The following CDH18 variants were observed in gnomAD, a reference collection of about 807,000 sequenced individuals.
CDH18 encodes cadherin 18.
Under a neutral mutation model 67.9 loss-of-function variants are expected in CDH18, and 31 were observed. That is an observed-to-expected ratio of 0.46 (90% CI 0.34 to 0.62). The LOEUF (loss-of-function observed/expected upper bound fraction) is 0.62, where lower values mean the gene tolerates loss of function less well. CDH18 is among the 20% of genes least tolerant of loss of function. The pLI, the probability that CDH18 is intolerant of heterozygous loss-of-function variation, is 0.01. For missense variants in CDH18, 890 were observed against 975.5 expected, an observed-to-expected ratio of 0.91 and a Z score of 1.17; for synonymous variants, 362 against 347.2, an observed-to-expected ratio of 1.04 and a Z score of -0.48.
intron 3 of CDH18, among the ~76,000 whole-genome samples, chr5:19,835,071 T>G (rs888765021): frequency 6.6e-6 from 1 of 152,118 alleles, no homozygotes; most frequent in African/African-American, 2.4e-5. Flanking sequence ...CACATGCACA[T>G]GTATGTTAAT....
At chr5:20,547,210 T>C (rs369397248) in intron 1 of CDH18, among the ~76,000 whole-genome samples, 2 of 152,088 alleles carry the variant, frequency 1.3e-5, no homozygotes, top group African/African-American at 4.8e-5. Context: ...CAGTGATATA[T>C]AAAGTGACAA....
chr5:20,221,816 T>C (rs1450086718), intron 2 of CDH18, among the ~76,000 whole-genome samples: 1 of 152,184 alleles, frequency 6.6e-6, no homozygotes, highest in African/African-American at 2.4e-5. Context: ...TTTTCTATTA[T>C]TGTGTCACTT....
chr5:20,011,883 T>C (rs1222122369), intron 2 of CDH18, among the ~76,000 whole-genome samples: 1 of 152,152 alleles, frequency 6.6e-6, no homozygotes, highest in East Asian at 1.9e-4. Flanking sequence ...ATCAAGGATA[T>C]TGGCCTAAAG....
At chr5:19,917,318 T>C (rs2150155438) in intron 2 of CDH18, among the ~76,000 whole-genome samples, 1 of 152,158 alleles carries the variant, frequency 6.6e-6, no homozygotes, top group East Asian at 1.9e-4. Context: ...GTTCTCCTCC[T>C]GTTCTCAATT....
chr5:20,333,616 A>C (rs1409022345), intron 1 of CDH18, among the ~76,000 whole-genome samples: 1 of 151,430 alleles, frequency 6.6e-6, no homozygotes, highest in African/African-American at 2.4e-5. Flanking sequence ...TGCCTTGTTG[A>C]TATTATGAAC....
intron 4 of CDH18, among the ~76,000 whole-genome samples, chr5:19,743,111 A>G (rs1769449877): frequency 6.6e-6 from 1 of 152,190 alleles, no homozygotes; most frequent in South Asian, 2.1e-4. Context: ...ACACAGCTGT[A>G]TTCTCTAACA....
chr5:20,306,989 T>C (rs1217095702), intron 1 of CDH18, among the ~76,000 whole-genome samples: 1 of 152,008 alleles, frequency 6.6e-6, no homozygotes, highest in Non-Finnish European at 1.5e-5. Context: ...GAAATTCTAC[T>C]CAATATATAT....
At chr5:19,589,362 C>T (rs1232370827) in intron 7 of CDH18, among the ~76,000 whole-genome samples, 2 of 152,084 alleles carry the variant, frequency 1.3e-5, no homozygotes, top group Non-Finnish European at 2.9e-5. Context: ...ATATTTCCTC[C>T]GTTTTCATGC....
At chr5:20,396,284 G>A (rs1745272535) in intron 1 of CDH18, among the ~76,000 whole-genome samples, 1 of 152,044 alleles carries the variant, frequency 6.6e-6, no homozygotes, top group Non-Finnish European at 1.5e-5. Context: ...GTATCTGCTG[G>A]AGATGTGCTT....
chr5:19,653,777 G>A (rs555445050), intron 5 of CDH18, among the ~76,000 whole-genome samples: 1 of 152,220 alleles, frequency 6.6e-6, no homozygotes, highest in South Asian at 2.1e-4. Context: ...CAACTCCTAG[G>A]ATCCTTAAGC....
intron 7 of CDH18, among the ~76,000 whole-genome samples, chr5:19,583,931 T>C (rs117222011): frequency 6.6e-6 from 1 of 152,332 alleles, no homozygotes; most frequent in East Asian, 1.9e-4. Context: ...ATTTGCATTG[T>C]ATTTACAGTT....
At chr5:20,347,144 T>G (rs1012121298) in intron 1 of CDH18, among the ~76,000 whole-genome samples, 11 of 152,152 alleles carry the variant, frequency 7.2e-5, no homozygotes, top group South Asian at 2.1e-4. Context: ...GTTCCCCCAC[T>G]TATTAGGACT....
At chr5:19,881,089 C>T (rs6874217) in intron 2 of CDH18, among the ~76,000 whole-genome samples, 47,677 of 151,920 alleles carry the variant, frequency 0.31, 8,217 homozygotes, top group South Asian at 0.4. Flanking sequence ...GTTTATTAAA[C>T]GGTGCCATAA....
chr5:19,629,827 C>A (rs1339586835), intron 5 of CDH18, among the ~76,000 whole-genome samples: 1 of 151,738 alleles, frequency 6.6e-6, no homozygotes, highest in African/African-American at 2.4e-5. Flanking sequence ...ATATAGGGAT[C>A]ATTTACATAT....
intron 5 of CDH18, among the ~76,000 whole-genome samples, chr5:19,710,739 T>A (rs1233726968): frequency 2.0e-5 from 3 of 152,120 alleles, no homozygotes; most frequent in African/African-American, 7.2e-5. Context: ...TCATTTCTTC[T>A]ACAAAACTTT....
intron 4 of CDH18, among the ~76,000 whole-genome samples, chr5:19,725,709 C>T (rs1057126543): frequency 2.0e-5 from 3 of 152,238 alleles, no homozygotes; most frequent in Admixed American, 6.5e-5. Context: ...GCAGAGATTG[C>T]GGTGAGCTGA....
chr5:19,752,062 C>T (rs1770919154), intron 3 of CDH18, among the ~76,000 whole-genome samples: 1 of 152,130 alleles, frequency 6.6e-6, no homozygotes, highest in African/African-American at 2.4e-5. Context: ...AATACACACC[C>T]CCACTGGGGA....
chr5:19,958,933 C>A (rs983500538), intron 2 of CDH18, among the ~76,000 whole-genome samples: 1 of 152,044 alleles, frequency 6.6e-6, no homozygotes, highest in African/African-American at 2.4e-5. Context: ...TGCTAGGTAT[C>A]CTCACTGCCA....
At chr5:19,603,135 C>T (rs1372237187) in intron 6 of CDH18, among the ~76,000 whole-genome samples, 2 of 152,074 alleles carry the variant, frequency 1.3e-5, no homozygotes, top group African/African-American at 4.8e-5. Flanking sequence ...AACAGAGGAA[C>T]TGATAAAATG....
Sources: gnomAD v4.1 joint callset for allele counts (sites outside exome capture counted in the v4.1 genomes callset) on GRCh38, gnomAD v4.1.1 for gene constraint, MANE v1.5 for transcripts, NCBI Gene and HGNC (gene_info 2026-07-23, HGNC 2026-07-21) for gene names.